MECOM: variants seen among roughly 807,000 people sequenced by gnomAD.
MECOM encodes MDS1 and EVI1 complex locus.
A neutral mutation model predicts 116.3 loss-of-function variants in MECOM; 13 were observed. The observed-to-expected ratio is 0.11, with a 90% confidence interval of 0.07 to 0.18. The LOEUF (loss-of-function observed/expected upper bound fraction) is 0.18. MECOM is among the 10% of genes least tolerant of loss of function. The probability of loss-of-function intolerance (pLI) is 1.00; values close to 1 mark genes in which losing one functional copy is unlikely to be tolerated. For synonymous variants in MECOM, 528 were observed against 535.2 expected (o/e 0.99, Z 0.19); for missense variants, 1,299 against 1,509.0 (o/e 0.86, Z 2.31).
At chr3:169,091,434 C>T (rs1404604487) in intron 14 of MECOM, among the ~76,000 whole-genome samples, 2 of 152,228 alleles carry the variant, frequency 1.3e-5, no homozygotes, top group Non-Finnish European at 2.9e-5. Context: ...TACAGGCTCA[C>T]AAATCGCCAA....
chr3:169,608,805 TCTGA>T (rs1343296217), intron 1 of MECOM, among the ~76,000 whole-genome samples: 2 of 152,236 alleles, frequency 1.3e-5, no homozygotes, highest in African/African-American at 4.8e-5. Flanking sequence ...CATGTTCTGC[TCTGA>T]CTAAAATTGT....
At chr3:169,400,564 A>G (rs913702397) in intron 1 of MECOM, among the ~76,000 whole-genome samples, 1 of 152,098 alleles carries the variant, frequency 6.6e-6, no homozygotes, top group African/African-American at 2.4e-5. Flanking sequence ...ATACAGTGAA[A>G]AGCCAGTATG....
rs1445497565 is a variant in MECOM at position 169,115,701 on chromosome 3, G to A, written c.2171C>T (p.Pro724Leu). The A allele has an allele frequency of 1.9e-6, 3 of 1,614,100 alleles. No homozygotes were observed. Among genetic ancestry groups the A allele is most frequent in the East Asian group, 2.2e-5 (1 of 44,868 alleles). ...TTTCTTTACTTCACCTGGTGATTGG[G>A]GTTCCATTTTCAAAGGTAACGATCT... ...DLRSLPLKME[P>L]QSPGEVKKLQ... is the part of the protein sequence containing the mutation. The change falls in exon 8 of 17, where the codon CCC (proline) becomes CTC (leucine). Residue 724 changes from proline to leucine, a missense_variant. Around this residue, in one of 6 missense-constraint regions of MECOM, gnomAD observed 340 missense variants for 312.6 expected, o/e 1.09. Coordinates refer to ENST00000651503, the MANE Select transcript of MECOM (RefSeq NM_004991.4).
At chr3:169,198,535 A>G (rs144867961) in intron 2 of MECOM, among the ~76,000 whole-genome samples, 2 of 152,044 alleles carry the variant, frequency 1.3e-5, no homozygotes, top group African/African-American at 2.4e-5. Flanking sequence ...TGGCAAAGTC[A>G]TTATTTACCT....
At chr3:169,511,420 C>T (rs982594737) in intron 1 of MECOM, among the ~76,000 whole-genome samples, 1 of 152,146 alleles carries the variant, frequency 6.6e-6, no homozygotes, top group Non-Finnish European at 1.5e-5. Context: ...AATTCTCTCC[C>T]CCTAATCTAG....
chr3:169,090,481 A>G (rs1250175865), intron 14 of MECOM, among the ~76,000 whole-genome samples: 3 of 152,046 alleles, frequency 2.0e-5, no homozygotes, highest in Admixed American at 6.6e-5. Flanking sequence ...AACCCGAAAA[A>G]CAATCTTGGT....
chr3:169,369,133 G>A (rs1274617099), intron 2 of MECOM, among the ~76,000 whole-genome samples: 4 of 151,938 alleles, frequency 2.6e-5, no homozygotes, highest in African/African-American at 9.7e-5. Context: ...AGCAGTAAGA[G>A]TAATAGACAT....
In MECOM at chr3:169,115,497, C is replaced by G. The variant is rs753395114; in HGVS notation, c.2375G>C (p.Arg792Pro). The G allele has an allele frequency of 6.2e-7, 1 of 1,613,872 alleles. No individual in the cohort carries two copies. Among genetic ancestry groups the G allele is most frequent in the African/African-American group, 1.3e-5 (1 of 74,856 alleles). ...TTTTCCCCCAAACACGTGGTTTTTT[C>G]GAGGCTCAGTCAGCTTTGTCCCACT... is the stretch of plus-strand genomic sequence containing the variant. ...RASGTKLTEP[R>P]KNHVFGGKKG... The change falls in exon 8 of 17, where the codon CGA becomes CCA. Residue 792 changes from arginine to proline, a missense_variant. Transcript: ENST00000651503.
chr3:169,283,450 A>G (rs865875333), intron 2 of MECOM, among the ~76,000 whole-genome samples: 1 of 152,228 alleles, frequency 6.6e-6, no homozygotes, highest in Non-Finnish European at 1.5e-5. Flanking sequence ...ATAATAAGAA[A>G]AAAATAGCTT....
intron 1 of MECOM, among the ~76,000 whole-genome samples, chr3:169,399,771 GAC>G (rs1447179408): frequency 2.6e-4 from 39 of 152,062 alleles, no homozygotes; most frequent in Admixed American, 1.2e-3. Context: ...TTTTGTTTTG[GAC>G]TTGAAGATTG....
intron 7 of MECOM, among the ~76,000 whole-genome samples, chr3:169,120,411 A>G (rs763236410): frequency 1.3e-5 from 2 of 152,224 alleles, no homozygotes; most frequent in African/African-American, 2.4e-5. Flanking sequence ...GATGTCCCCT[A>G]AAAGCACACT....
rs1039081633 is a variant in MECOM, at chr3:169,339,399, G to A, written c.375+41788C>T. Among the ~76,000 whole-genome samples, 57 of 151,948 alleles carry A rather than the reference G, an allele frequency of 3.8e-4. 1 individual carries two copies. The highest frequency in any genetic ancestry group is 1.4e-3 in the African/African-American group (56 of 41,344). Reference sequence around the variant, plus strand: ...CTCCAAATGGCTCTCTACAGCTAAAGTTTGAGAACCACTGCTCTACACCAA... The same window carrying A: ...CTCCAAATGGCTCTCTACAGCTAAAATTTGAGAACCACTGCTCTACACCAA... On this transcript the variant is annotated intron_variant, in intron 2 of 16. Coordinates refer to ENST00000651503, the MANE Select transcript of MECOM (RefSeq NM_004991.4).
At chr3:169,636,482 G>C (rs1345904558) in intron 1 of MECOM, among the ~76,000 whole-genome samples, 5 of 152,194 alleles carry the variant, frequency 3.3e-5, no homozygotes, top group Admixed American at 3.3e-4. Flanking sequence ...TCAGTGACAA[G>C]AAGCAGCCCA....
intron 1 of MECOM, among the ~76,000 whole-genome samples, chr3:169,495,031 A>C (rs553572667): frequency 7.2e-5 from 11 of 152,326 alleles, no homozygotes; most frequent in African/African-American, 2.6e-4. Context: ...ACATTTGGTC[A>C]CCATGCTTCT....
At chr3:169,185,331 A>G (rs1746564069) in intron 2 of MECOM, among the ~76,000 whole-genome samples, 1 of 152,018 alleles carries the variant, frequency 6.6e-6, no homozygotes, top group Non-Finnish European at 1.5e-5. Flanking sequence ...AAGTGAATGA[A>G]CCGTGGTCTA....
intron 1 of MECOM, among the ~76,000 whole-genome samples, chr3:169,511,691 C>T (rs185228105): frequency 1.1e-4 from 17 of 152,120 alleles, no homozygotes; most frequent in African/African-American, 4.1e-4. Context: ...ATTGCTTGAA[C>T]CCAGGAGGCG....
chr3:169,559,016 TACAC>T (rs145660204), intron 1 of MECOM, among the ~76,000 whole-genome samples: 1 of 150,820 alleles, frequency 6.6e-6, no homozygotes, highest in Non-Finnish European at 1.5e-5. Context: ...TCAAAGCATC[TACAC>T]ACACACACAC....
intron 2 of MECOM, among the ~76,000 whole-genome samples, chr3:169,236,252 A>C (rs1423955437): frequency 6.6e-6 from 1 of 152,220 alleles, no homozygotes; most frequent in Non-Finnish European, 1.5e-5. Flanking sequence ...TTGGAACATA[A>C]ACCCATCTTA....
chr3:169,337,985 C>T (rs949773993), intron 2 of MECOM, among the ~76,000 whole-genome samples: 1 of 152,152 alleles, frequency 6.6e-6, no homozygotes, highest in African/African-American at 2.4e-5. Context: ...TTTTCAAAAG[C>T]CTATTCCCTT....
Sources: allele counts gnomAD v4.1 joint callset (sites outside exome capture counted in the v4.1 genomes callset), GRCh38; gene constraint gnomAD v4.1.1; regional missense constraint gnomAD v4.1.1; transcripts MANE v1.5; gene names NCBI Gene and HGNC (gene_info 2026-07-23, HGNC 2026-07-21).